The following NEIL3 variants were observed in gnomAD, a reference collection of about 807,000 sequenced individuals.
The protein encoded by NEIL3 is nei like DNA glycosylase 3, also known as endonuclease 8-like 3.
NEIL3 carries 48 observed loss-of-function variants against 57.5 expected under a neutral mutation model. That is an observed-to-expected ratio of 0.83 (90% CI 0.66 to 1.06). The LOEUF (loss-of-function observed/expected upper bound fraction) is 1.06, where lower values mean the gene tolerates loss of function less well. NEIL3 is among the 50% of genes least tolerant of loss of function. The probability of loss-of-function intolerance (pLI) is 0.00; values close to 1 mark genes in which losing one functional copy is unlikely to be tolerated. For missense variants in NEIL3, 717 were observed against 739.1 expected (o/e 0.97, Z 0.35); for synonymous variants, 261 against 253.2 (o/e 1.03, Z -0.29).
chr4:177,354,461 A>G (rs1735431846), intron 8 of NEIL3, among the ~76,000 whole-genome samples: 1 of 152,174 alleles, frequency 6.6e-6, no homozygotes, highest in South Asian at 2.1e-4. Context: ...ACTGTGTTCT[A>G]AAAGGAGGGG....
chr4:177,354,966 T>G (rs762518239), intron 8 of NEIL3, among the ~76,000 whole-genome samples: 1 of 152,158 alleles, frequency 6.6e-6, no homozygotes, highest in Non-Finnish European at 1.5e-5. Flanking sequence ...CATAACGTCA[T>G]CCTCTCTTTT....
At chr4:177,357,207 A>G (rs1469717801) in intron 8 of NEIL3, among the ~76,000 whole-genome samples, 1 of 152,234 alleles carries the variant, frequency 6.6e-6, no homozygotes, top group Non-Finnish European at 1.5e-5. Flanking sequence ...AGACCGATTA[A>G]TCCAAAAAAT....
chr4:177,366,428 C>T (rs182830368), downstream of NEIL3, among the ~76,000 whole-genome samples: 63 of 152,310 alleles, frequency 4.1e-4, no homozygotes, highest in Admixed American at 1.5e-3. Context: ...GATGGAGTCT[C>T]GCTCTTGTCG....
chr4:177,315,029 A>G lies in NEIL3; in HGVS notation c.156+4920A>G, dbSNP rs565291167. 4.5e-4 allele frequency among the ~76,000 whole-genome samples: 66 copies of G among 147,924 alleles called. 1 individual carries two copies. The highest frequency in any genetic ancestry group is 5.9e-4 in the Non-Finnish European group (40 of 67,454). On this transcript the variant is annotated intron_variant, in intron 1 of 9. Transcript: ENST00000264596. Reference sequence around the variant, plus strand: ...GCTTGCAGTGAGCCGAGATCGCGCCACTGCACTCGAGCCTGGGCAACAGAG... The same window carrying G: ...GCTTGCAGTGAGCCGAGATCGCGCCGCTGCACTCGAGCCTGGGCAACAGAG...
At chr4:177,320,995 CT>C (rs1261501973) in intron 1 of NEIL3, among the ~76,000 whole-genome samples, 1 of 148,506 alleles carries the variant, frequency 6.7e-6, no homozygotes, top group Non-Finnish European at 1.5e-5. Flanking sequence ...TGTTATCTCT[CT>C]TTGAGCTAAG....
In NEIL3 at chr4:177,351,454, G is replaced by C. The variant is rs139121668; in HGVS notation, c.944G>C (p.Arg315Pro). Residue 315 changes from arginine (R) to proline (P), a missense_variant, in exon 7 of 10, where the codon CGG becomes CCG. By Grantham distance (103) the Arg-to-Pro change is moderately radical. Transcript: ENST00000264596. ...GATCATGTTATGGACTCCGTGGCTC[G>C]GAAGTCGGAAGAGCACTGGACCTGT... The part of the protein sequence containing the change: ...RVDHVMDSVA[R>P]KSEEHWTCVV... 3 of 1,613,806 alleles carry C rather than the reference G, an allele frequency of 1.9e-6. No individual in the cohort carries two copies. The highest frequency in any genetic ancestry group is 2.2e-5 in the South Asian group (2 of 91,074).
At chr4:177,350,856 T>G (rs1270716202) in intron 6 of NEIL3, among the ~76,000 whole-genome samples, 1 of 151,988 alleles carries the variant, frequency 6.6e-6, no homozygotes, top group Admixed American at 6.6e-5. Context: ...CTAAATAACT[T>G]TTATTTGATG....
intron 1 of NEIL3, among the ~76,000 whole-genome samples, chr4:177,317,403 T>A (rs1209211113): frequency 6.6e-6 from 1 of 152,110 alleles, no homozygotes; most frequent in Non-Finnish European, 1.5e-5. Flanking sequence ...AATGGTCTCA[T>A]GCATTTTAAG....
chr4:177,336,145 A>G lies in NEIL3; in HGVS notation c.451A>G (p.Lys151Glu). 6.2e-7 allele frequency: 1 copy of G among 1,613,670 alleles called. No individual in the cohort carries two copies. The highest frequency in any genetic ancestry group is 8.5e-7 in the Non-Finnish European group (1 of 1,179,528). Reference sequence around the variant, plus strand: ...AAGCCAACAGAGAATAAGAATGATGAAAGAATTAGATGTATGTTCACCTGA... The same window carrying G: ...AAGCCAACAGAGAATAAGAATGATGGAAGAATTAGATGTATGTTCACCTGA... ...MESQQRIRMM[K>E]ELDVCSPEFS... is the part of the protein sequence containing the mutation. Residue 151 changes from lysine to glutamate, a missense_variant, in exon 4 of 10, where the codon AAA becomes GAA. By Grantham distance (56) the Lys-to-Glu change is moderately conservative (BLOSUM62 1). Transcript: ENST00000264596.
At chr4:177,341,418 G>A (rs957226868) in intron 5 of NEIL3, 58 bp from the exon 6 acceptor site, 21 of 1,422,118 alleles carry the variant, frequency 1.5e-5, no homozygotes, top group Non-Finnish European at 2.0e-5. Flanking sequence ...TGTGTCTTTG[G>A]CTCCTTGGCA....
chr4:177,315,271 G>A (rs549676111), intron 1 of NEIL3, among the ~76,000 whole-genome samples: 1 of 152,250 alleles, frequency 6.6e-6, no homozygotes, highest in African/African-American at 2.4e-5. Flanking sequence ...TGGATAGGCA[G>A]GATAAATGGT....
chr4:177,313,331 C>G (rs1734511186), intron 1 of NEIL3, among the ~76,000 whole-genome samples: 1 of 152,174 alleles, frequency 6.6e-6, no homozygotes, highest in African/African-American at 2.4e-5. Context: ...AGAGAACACA[C>G]TTGAATGCAT....
chr4:177,335,179 A>G (rs1370920353), intron 2 of NEIL3, among the ~76,000 whole-genome samples: 1 of 152,248 alleles, frequency 6.6e-6, no homozygotes, highest in East Asian at 1.9e-4. Context: ...GAGCATCTTA[A>G]ACCATAGATA....
intron 1 of NEIL3, among the ~76,000 whole-genome samples, chr4:177,320,301 G>A (rs911517415): frequency 6.6e-6 from 1 of 151,946 alleles, no homozygotes; most frequent in Non-Finnish European, 1.5e-5. Flanking sequence ...TCCTCACTGA[G>A]TACTCAAGCC....
At chr4:177,356,903 A>G (rs1008831414) in intron 8 of NEIL3, 1 of 152,228 alleles carries the variant, frequency 6.6e-6, no homozygotes, top group African/African-American at 2.4e-5. Flanking sequence ...CAAAGAATGC[A>G]TGTGTTTTAG....
At chr4:177,319,864 G>A (rs763762768) in intron 1 of NEIL3, among the ~76,000 whole-genome samples, 2 of 152,118 alleles carry the variant, frequency 1.3e-5, no homozygotes, top group Non-Finnish European at 2.9e-5. Context: ...AAATTTCACA[G>A]GGTATGGCTA....
chr4:177,346,860 G>A (rs1735230060), intron 6 of NEIL3, among the ~76,000 whole-genome samples: 1 of 152,096 alleles, frequency 6.6e-6, no homozygotes, highest in African/African-American at 2.4e-5. Context: ...TTAGCTGGGT[G>A]TGGTGGCGTG....
intron 6 of NEIL3, among the ~76,000 whole-genome samples, chr4:177,342,609 G>A (rs1735118149): frequency 6.6e-6 from 1 of 151,862 alleles, no homozygotes; most frequent in Admixed American, 6.6e-5. Context: ...CGTCATTTGA[G>A]TGGAGCTCCT....
intron 6 of NEIL3, 118 bp downstream of exon 6, chr4:177,341,760 G>C (rs1224631661): frequency 4.7e-6 from 4 of 856,818 alleles, no homozygotes; most frequent in African/African-American, 1.7e-5. Context: ...TGACTCAAAA[G>C]TATTTTAGTC....
Sources: gnomAD v4.1 joint callset for allele counts (sites outside exome capture counted in the v4.1 genomes callset) on GRCh38, gnomAD v4.1.1 for gene constraint, MANE v1.5 for transcripts, NCBI Gene and HGNC (gene_info 2026-07-23, HGNC 2026-07-21) for gene names.